GALNTL6: variants seen among roughly 807,000 people sequenced by gnomAD.
GALNTL6 encodes polypeptide N-acetylgalactosaminyltransferase like 6.
Under a neutral mutation model 73.7 loss-of-function variants are expected in GALNTL6, and 46 were observed. That is an observed-to-expected ratio of 0.62 (90% confidence interval 0.49 to 0.80). The LOEUF (loss-of-function observed/expected upper bound fraction) is 0.80. Among genes scored for constraint, GALNTL6 ranks in the 30% least tolerant of loss-of-function variants. The probability of loss-of-function intolerance (pLI) is 0.00; values close to 1 mark genes in which losing one functional copy is unlikely to be tolerated. For missense variants in GALNTL6, 604 were observed against 755.0 expected (o/e 0.80, Z 2.34); for synonymous variants, 259 against 263.7 (o/e 0.98, Z 0.17).
At chr4:172,412,030 A>ATATT (rs1247769768) in intron 5 of GALNTL6, among the ~76,000 whole-genome samples, 2 of 151,658 alleles carry the variant, frequency 1.3e-5, no homozygotes, top group African/African-American at 4.8e-5. Context: ...TATTTATTAT[A>ATATT]TATTTATTTA....
At chr4:172,753,547 G>A (rs1737555961) in intron 5 of GALNTL6, among the ~76,000 whole-genome samples, 1 of 152,010 alleles carries the variant, frequency 6.6e-6, no homozygotes, top group Non-Finnish European at 1.5e-5. Flanking sequence ...CACATTTTAA[G>A]ACTATTGCAA....
At chr4:172,673,196 A>G (rs975757272) in intron 5 of GALNTL6, among the ~76,000 whole-genome samples, 3 of 152,166 alleles carry the variant, frequency 2.0e-5, no homozygotes, top group Admixed American at 6.5e-5. Flanking sequence ...GCTGTGTCCC[A>G]AAGATTCTGG....
intron 2 of GALNTL6, among the ~76,000 whole-genome samples, chr4:172,224,244 A>T (rs1298719040): frequency 6.6e-6 from 1 of 152,146 alleles, no homozygotes; most frequent in African/African-American, 2.4e-5. Context: ...TAAGGTAGGT[A>T]TTGTTCTTAT....
chr4:172,744,757 T>G (rs1234116501), intron 5 of GALNTL6, among the ~76,000 whole-genome samples: 3 of 151,960 alleles, frequency 2.0e-5, no homozygotes, highest in Admixed American at 6.6e-5. Context: ...TAGGATCCCA[T>G]CATCACTGTT....
At chr4:172,906,384 G>T (rs1344142948) in intron 8 of GALNTL6, among the ~76,000 whole-genome samples, 1 of 152,088 alleles carries the variant, frequency 6.6e-6, no homozygotes, top group African/African-American at 2.4e-5. Flanking sequence ...AAATATAAAT[G>T]GCAAACTGAC....
At chr4:172,588,568 G>A (rs1309782448) in intron 5 of GALNTL6, among the ~76,000 whole-genome samples, 2 of 151,484 alleles carry the variant, frequency 1.3e-5, no homozygotes, top group African/African-American at 2.4e-5. Context: ...CCTCCCAATC[G>A]TGGATAGTGA....
chr4:172,581,442 C>T (rs1424127679), intron 5 of GALNTL6, among the ~76,000 whole-genome samples: 2 of 152,298 alleles, frequency 1.3e-5, no homozygotes, highest in South Asian at 2.1e-4. Context: ...TTCATCATGG[C>T]AGCCTGCCCT....
intron 11 of GALNTL6, among the ~76,000 whole-genome samples, chr4:173,017,830 G>A (rs1752844212): frequency 6.6e-6 from 1 of 152,204 alleles, no homozygotes; most frequent in South Asian, 2.1e-4. Context: ...GGTGAATAAA[G>A]TTGCCCAACA....
intron 4 of GALNTL6, among the ~76,000 whole-genome samples, chr4:172,313,259 G>A (rs1578944557): frequency 1.3e-5 from 2 of 151,764 alleles, no homozygotes; most frequent in South Asian, 2.1e-4. Context: ...CCGAGTAGCT[G>A]GGACTACAGG....
intron 3 of GALNTL6, among the ~76,000 whole-genome samples, chr4:172,279,657 T>C (rs1003982571): frequency 2.0e-5 from 3 of 152,118 alleles, no homozygotes; most frequent in African/African-American, 7.2e-5. Context: ...GGCAAAACAG[T>C]ATGGCAGTAC....
intron 2 of GALNTL6, among the ~76,000 whole-genome samples, chr4:171,879,496 T>C (rs1454428787): frequency 1.3e-5 from 2 of 152,132 alleles, no homozygotes; most frequent in Non-Finnish European, 2.9e-5. Context: ...TGAAAATAAT[T>C]CTGTAATATA....
intron 5 of GALNTL6, among the ~76,000 whole-genome samples, chr4:172,561,730 C>G (rs1481335571): frequency 6.6e-6 from 1 of 152,156 alleles, no homozygotes; most frequent in Non-Finnish European, 1.5e-5. Context: ...CTCTTAAAAT[C>G]TCAATGTCCA....
intron 12 of GALNTL6, among the ~76,000 whole-genome samples, chr4:173,038,993 A>G (rs1405665794): frequency 6.6e-6 from 1 of 152,250 alleles, no homozygotes; most frequent in Non-Finnish European, 1.5e-5. Flanking sequence ...AGACAACATT[A>G]GAGGTAAAAT....
chr4:172,571,471 T>C (rs893186805), intron 5 of GALNTL6, among the ~76,000 whole-genome samples: 2 of 152,196 alleles, frequency 1.3e-5, no homozygotes, highest in African/African-American at 4.8e-5. Context: ...GGAAATATGT[T>C]GTGACTTAAG....
At chr4:172,631,220 C>T (rs1016716997) in intron 5 of GALNTL6, among the ~76,000 whole-genome samples, 4 of 151,958 alleles carry the variant, frequency 2.6e-5, no homozygotes, top group African/African-American at 9.7e-5. Flanking sequence ...CGGCTCACTG[C>T]AACCTCCTCC....
chr4:172,610,433 T>C (rs1429774918), intron 5 of GALNTL6, among the ~76,000 whole-genome samples: 1 of 152,146 alleles, frequency 6.6e-6, no homozygotes, highest in Non-Finnish European at 1.5e-5. Flanking sequence ...ATTTCTGCCT[T>C]AATTGCATTA....
chr4:171,815,587 G>T (rs1232225737), intron 2 of GALNTL6: 3 of 152,282 alleles, frequency 2.0e-5, no homozygotes, highest in African/African-American at 7.2e-5. Flanking sequence ...TTTAACAACA[G>T]AATGCAGTCT....
intron 2 of GALNTL6, among the ~76,000 whole-genome samples, chr4:171,988,366 G>T (rs577580103): frequency 6.6e-6 from 1 of 152,320 alleles, no homozygotes; most frequent in South Asian, 2.1e-4. Context: ...ATTTGGGCTT[G>T]ACTGAAGTAA....
intron 7 of GALNTL6, among the ~76,000 whole-genome samples, chr4:172,814,242 C>A (rs1741475170): frequency 1.3e-5 from 2 of 152,124 alleles, no homozygotes; most frequent in Non-Finnish European, 2.9e-5. Context: ...AAGTGATATA[C>A]CCAGAGTCAA....
Sources: gnomAD v4.1 joint callset for allele counts (sites outside exome capture counted in the v4.1 genomes callset) on GRCh38, gnomAD v4.1.1 for gene constraint, MANE v1.5 for transcripts, NCBI Gene and HGNC (gene_info 2026-07-23, HGNC 2026-07-21) for gene names.